ASB3: variants seen among roughly 807,000 people sequenced by gnomAD.
The protein encoded by ASB3 is ankyrin repeat and SOCS box containing 3.
Under a neutral mutation model 54.5 loss-of-function variants are expected in ASB3, and 41 were observed. The observed-to-expected ratio is 0.75, with a 90% confidence interval of 0.59 to 0.98. ASB3 has a LOEUF of 0.98. Ranked by LOEUF, ASB3 falls within the 50% of genes least tolerant of loss-of-function variation. The pLI is 0.00. For missense variants in ASB3, 733 were observed against 620.0 expected, an observed-to-expected ratio of 1.18 and a Z score of -1.94; for synonymous variants, 266 against 221.2, an observed-to-expected ratio of 1.20 and a Z score of -1.80.
chr2:53,681,099 A>G (rs1212083855), intron 9 of ASB3, among the ~76,000 whole-genome samples: 4 of 152,198 alleles, frequency 2.6e-5, no homozygotes, highest in Non-Finnish European at 4.4e-5. Context: ...TCTGTTGTGT[A>G]TATGTATCAC....
At chr2:53,749,267 A>G (rs987382185) in intron 3 of ASB3, among the ~76,000 whole-genome samples, 2 of 152,100 alleles carry the variant, frequency 1.3e-5, no homozygotes, top group African/African-American at 4.8e-5. Context: ...CTAAACCTCC[A>G]TTAGAATTAC....
intron 3 of ASB3, among the ~76,000 whole-genome samples, chr2:53,735,687 A>G (rs1018656518): frequency 2.0e-5 from 3 of 152,136 alleles, no homozygotes; most frequent in Non-Finnish European, 2.9e-5. Flanking sequence ...AAAGGGCCAA[A>G]TAAAGCCAAA....
At chr2:53,692,161 G>T (rs748021545) in intron 9 of ASB3, among the ~76,000 whole-genome samples, 3 of 152,042 alleles carry the variant, frequency 2.0e-5, no homozygotes, top group Non-Finnish European at 4.4e-5. Flanking sequence ...CTACAGGGGG[G>T]GCAAAAATCA....
At chr2:53,684,602 A>C (rs1055692948) in intron 9 of ASB3, among the ~76,000 whole-genome samples, 3 of 152,210 alleles carry the variant, frequency 2.0e-5, no homozygotes, top group Non-Finnish European at 2.9e-5. Context: ...ACACTTTTGG[A>C]TTTAGCCAGT....
At chr2:53,750,984 T>A in intron 2 of ASB3, 43 bp from the exon 3 acceptor site, 1 of 1,422,166 alleles carries the variant, frequency 7.0e-7, no homozygotes, top group Non-Finnish European at 9.2e-7. Context: ...GTATTACTTC[T>A]ATTTCCTGGT....
intron 2 of ASB3, among the ~76,000 whole-genome samples, chr2:53,757,738 A>G (rs147651062): frequency 5.3e-4 from 80 of 152,282 alleles, no homozygotes; most frequent in African/African-American, 1.5e-3. Flanking sequence ...TACAGCTCTC[A>G]ACATGGGCAG....
intron 9 of ASB3, among the ~76,000 whole-genome samples, chr2:53,676,695 C>T (rs1288127962): frequency 6.6e-6 from 1 of 152,176 alleles, no homozygotes; most frequent in Admixed American, 6.5e-5. Context: ...GAGCAATTTC[C>T]AGTCCTGCAA....
intron 3 of ASB3, among the ~76,000 whole-genome samples, chr2:53,746,112 C>A (rs1158917286): frequency 6.6e-6 from 1 of 151,920 alleles, no homozygotes; most frequent in Non-Finnish European, 1.5e-5. Context: ...CATAGCAAGA[C>A]CCCAACTCTA....
intron 7 of ASB3, among the ~76,000 whole-genome samples, chr2:53,704,195 A>G (rs1329114857): frequency 6.6e-6 from 1 of 152,006 alleles, no homozygotes; most frequent in African/African-American, 2.4e-5. Context: ...ACCCATCTCT[A>G]CTAAAAATAC....
At position 53,786,943 on chromosome 2, in the gene ASB3, G is replaced by A. The variant is rs1208429779; in HGVS notation, c.-136C>T. ...CTGCAGCCGTCCGAAAACGAGAGAC[G>A]CGCAGGCGACGTCCCGGCCCCCGTA... On this transcript the variant is annotated 5_prime_UTR_variant, in exon 1 of 10. Coordinates refer to ENST00000263634, the MANE Select transcript of ASB3 (RefSeq NM_016115.5). The A allele has an allele frequency of 4.7e-6, 2 of 430,080 alleles. No homozygotes were observed. Among genetic ancestry groups the A allele is most frequent in the East Asian group, 7.3e-5 (2 of 27,564 alleles). The allele number at this position is 430,080 out of a possible 1,614,324, so 26.6% of individuals were successfully genotyped here.
chr2:53,769,774 A>T (rs1028900570), intron 1 of ASB3, among the ~76,000 whole-genome samples: 5 of 152,210 alleles, frequency 3.3e-5, no homozygotes, highest in African/African-American at 1.2e-4. Flanking sequence ...CTTGGGAGGC[A>T]GACGTTGCGG....
intron 5 of ASB3, among the ~76,000 whole-genome samples, chr2:53,726,632 A>G (rs966259869): frequency 6.6e-6 from 1 of 151,414 alleles, no homozygotes; most frequent in Non-Finnish European, 1.5e-5. Flanking sequence ...ATATATATAT[A>G]CACATATATA....
intron 3 of ASB3, among the ~76,000 whole-genome samples, chr2:53,735,804 C>T (rs1233595537): frequency 6.6e-6 from 1 of 151,926 alleles, no homozygotes; most frequent in Non-Finnish European, 1.5e-5. Context: ...GAGAAAGAGA[C>T]TAATAAAACA....
chr2:53,695,695 T>C (rs1036452255), intron 8 of ASB3, among the ~76,000 whole-genome samples: 40 of 152,120 alleles, frequency 2.6e-4, no homozygotes, highest in African/African-American at 9.4e-4. Flanking sequence ...CAGAGACCAT[T>C]ACATTGTATA....
intron 7 of ASB3, among the ~76,000 whole-genome samples, chr2:53,709,615 C>A (rs1669978995): frequency 6.6e-6 from 1 of 152,202 alleles, no homozygotes; most frequent in Non-Finnish European, 1.5e-5. Context: ...TTGATCATTA[C>A]TGAATATGAA....
intron 2 of ASB3, among the ~76,000 whole-genome samples, chr2:53,755,760 C>A (rs1348819048): frequency 6.6e-6 from 1 of 152,120 alleles, no homozygotes; most frequent in Non-Finnish European, 1.5e-5. Flanking sequence ...AAAGGCATTA[C>A]AAAGAAAGTA....
At position 53,680,334 on chromosome 2, in the gene ASB3, G is replaced by A. The variant is rs538545435; in HGVS notation, c.1370-9644C>T. Among the ~76,000 whole-genome samples the A allele has an allele frequency of 5.9e-5, 9 of 152,224 alleles. No individual in the cohort carries two copies. The South Asian group carries it at 1.7e-3, about 28-fold the overall frequency. On this transcript the variant is annotated intron_variant, in intron 9 of 9. Transcript: ENST00000263634. ...GGAATTGCCACACTGTCTTCCCAAC[G>A]GTTGAAGTAGTTTACACTTCCATCA...
intron 5 of ASB3, 126 bp downstream of exon 5, chr2:53,728,586 T>C: frequency 1.6e-6 from 2 of 1,249,864 alleles, no homozygotes; most frequent in Non-Finnish European, 2.1e-6. Context: ...TTTACTCTTA[T>C]TTACCACTTA....
intron 7 of ASB3, among the ~76,000 whole-genome samples, chr2:53,711,935 G>C (rs1323643155): frequency 6.6e-6 from 1 of 152,098 alleles, no homozygotes; most frequent in Middle Eastern, 3.2e-3. Context: ...TAGAGAGAAA[G>C]AGAGAGGCTG....
Sources: allele counts gnomAD v4.1 joint callset (sites outside exome capture counted in the v4.1 genomes callset), GRCh38; gene constraint gnomAD v4.1.1; transcripts MANE v1.5; gene names NCBI Gene and HGNC (gene_info 2026-07-23, HGNC 2026-07-21).